The following EPC2 variants were observed in gnomAD, a reference collection of about 807,000 sequenced individuals.
EPC2 encodes enhancer of polycomb 2.
Under a neutral mutation model 92.1 loss-of-function variants are expected in EPC2, and 14 were observed. The ratio of observed to expected loss-of-function variants is 0.15; its 90% CI spans 0.10 to 0.24. The LOEUF (loss-of-function observed/expected upper bound fraction) is 0.24. Among genes scored for constraint, EPC2 ranks in the 10% least tolerant of loss-of-function variants. The pLI, the probability that EPC2 is intolerant of heterozygous loss-of-function variation, is 1.00. For synonymous variants in EPC2, 340 were observed against 334.7 expected (o/e 1.02, Z -0.17); for missense variants, 755 against 971.5 (o/e 0.78, Z 2.96).
chr2:148,729,365 A>G (rs1175676916), intron 2 of EPC2, among the ~76,000 whole-genome samples: 9 of 152,124 alleles, frequency 5.9e-5, no homozygotes, highest in Admixed American at 3.9e-4. Context: ...TTTACTGAAG[A>G]GTTGGCAAAG....
rs564829669 is a variant in EPC2 at position 148,785,555 on chromosome 2, T to C, written c.2351+554T>C. Reference sequence around the variant, plus strand: ...GTTGGCCGGGATAGTCTCAATCTCCTGACCTGGTGATCCACCCGCCTCAGC... The same window carrying C: ...GTTGGCCGGGATAGTCTCAATCTCCCGACCTGGTGATCCACCCGCCTCAGC... On this transcript the variant is annotated intron_variant, in intron 13 of 13. Transcript: ENST00000258484. 9.8e-5 allele frequency among the ~76,000 whole-genome samples: 15 copies of C among 152,288 alleles called. 1 individual carries two copies. In the South Asian group the frequency reaches 2.9e-3, roughly 29 times the overall value.
intron 10 of EPC2, among the ~76,000 whole-genome samples, chr2:148,775,775 C>CTT (rs70995334): frequency 0.035 from 3,208 of 92,284 alleles, 459 homozygotes; most frequent in Non-Finnish European, 0.045. Flanking sequence ...AATTTCTTTT[C>CTT]TTTTTTTTTT....
At chr2:148,752,893 A>G (rs984748418) in intron 3 of EPC2, among the ~76,000 whole-genome samples, 3 of 152,192 alleles carry the variant, frequency 2.0e-5, no homozygotes, top group Non-Finnish European at 2.9e-5. Context: ...AATTTCAATG[A>G]GAAAAATTTT....
chr2:148,778,938 C>G (rs1450108256), intron 10 of EPC2, among the ~76,000 whole-genome samples: 1 of 152,308 alleles, frequency 6.6e-6, no homozygotes, highest in East Asian at 1.9e-4. Context: ...CAGTGATTCT[C>G]AACCAGAAAT....
intron 4 of EPC2, among the ~76,000 whole-genome samples, chr2:148,761,456 A>G (rs1683299798): frequency 6.6e-6 from 1 of 152,216 alleles, no homozygotes; most frequent in Non-Finnish European, 1.5e-5. Context: ...ATACTTTCCT[A>G]CACGCTGAAT....
At chr2:148,694,804 G>T (rs1000596194) in intron 2 of EPC2, among the ~76,000 whole-genome samples, 3 of 152,076 alleles carry the variant, frequency 2.0e-5, no homozygotes, top group Non-Finnish European at 4.4e-5. Context: ...TTGCTCTGTT[G>T]CCCAGGCTGG....
chr2:148,726,765 GT>G (rs201293391), intron 2 of EPC2, among the ~76,000 whole-genome samples: 1,174 of 100,588 alleles, frequency 0.012, 12 homozygotes, highest in African/African-American at 0.041. Context: ...TTTGTTTTTT[GT>G]TTTTTTTTTT....
intron 1 of EPC2, among the ~76,000 whole-genome samples, chr2:148,654,790 C>A (rs1009073208): frequency 1.1e-4 from 16 of 152,180 alleles, no homozygotes; most frequent in African/African-American, 3.6e-4. Flanking sequence ...AACTAAAGAC[C>A]TTGAAAATTT....
intron 2 of EPC2, among the ~76,000 whole-genome samples, chr2:148,724,863 A>G (rs1682462251): frequency 6.6e-6 from 1 of 152,122 alleles, no homozygotes; most frequent in Non-Finnish European, 1.5e-5. Context: ...AGCTAGAATT[A>G]TGATGTCAGA....
At chr2:148,750,451 C>T (rs1683064489) in intron 3 of EPC2, among the ~76,000 whole-genome samples, 2 of 151,736 alleles carry the variant, frequency 1.3e-5, no homozygotes, top group Non-Finnish European at 2.9e-5. Context: ...AACTTTATAA[C>T]TCTACCAGTC....
At chr2:148,760,363 C>T (rs1262451422) in intron 4 of EPC2, among the ~76,000 whole-genome samples, 2 of 152,124 alleles carry the variant, frequency 1.3e-5, no homozygotes, top group Non-Finnish European at 2.9e-5. Flanking sequence ...CTAAAAGGTT[C>T]TGGTGCACTT....
intron 2 of EPC2, among the ~76,000 whole-genome samples, chr2:148,695,805 A>T (rs1439509385): frequency 6.6e-6 from 1 of 152,258 alleles, no homozygotes; most frequent in Non-Finnish European, 1.5e-5. Context: ...TTGGACATAA[A>T]TTCTGTGAAA....
intron 1 of EPC2, among the ~76,000 whole-genome samples, chr2:148,686,725 T>C (rs1227456398): frequency 6.6e-6 from 1 of 152,242 alleles, no homozygotes; most frequent in Admixed American, 6.5e-5. Context: ...ATCAGACTTC[T>C]TGGGTGACCA....
intron 8 of EPC2, among the ~76,000 whole-genome samples, chr2:148,769,961 G>A (rs575420313): frequency 1.7e-4 from 26 of 152,246 alleles, no homozygotes; most frequent in African/African-American, 6.0e-4. Flanking sequence ...AATTCTTAAC[G>A]AAAGGGGACA....
chr2:148,698,756 G>A (rs1574589658), intron 2 of EPC2, among the ~76,000 whole-genome samples: 1 of 101,982 alleles, frequency 9.8e-6, no homozygotes. Context: ...AAAGTAAAAT[G>A]TTAATTGTGG....
chr2:148,666,637 G>C (rs958537160), intron 1 of EPC2, among the ~76,000 whole-genome samples: 2 of 152,160 alleles, frequency 1.3e-5, no homozygotes, highest in Admixed American at 1.3e-4. Context: ...TGTGCTTCTA[G>C]AGAATTGCAG....
At chr2:148,772,099 C>T (rs1683535229) in intron 10 of EPC2, among the ~76,000 whole-genome samples, 1 of 151,942 alleles carries the variant, frequency 6.6e-6, no homozygotes, top group Non-Finnish European at 1.5e-5. Flanking sequence ...GTGCCCGGCC[C>T]CTATGAATAA....
chr2:148,707,476 C>T (rs1682026851), intron 2 of EPC2, among the ~76,000 whole-genome samples: 2 of 152,194 alleles, frequency 1.3e-5, no homozygotes, highest in African/African-American at 2.4e-5. Flanking sequence ...AGAACTTGAA[C>T]TCAGCTCTGC....
intron 11 of EPC2, among the ~76,000 whole-genome samples, chr2:148,782,909 G>T: frequency 6.6e-6 from 1 of 152,106 alleles, no homozygotes; most frequent in South Asian, 2.1e-4. Context: ...ACTCAATTTT[G>T]GTTATATTTT....
Sources: gnomAD v4.1 joint callset for allele counts (sites outside exome capture counted in the v4.1 genomes callset) on GRCh38, gnomAD v4.1.1 for gene constraint, MANE v1.5 for transcripts, NCBI Gene and HGNC (gene_info 2026-07-23, HGNC 2026-07-21) for gene names.